The following COBL variants were observed in gnomAD, a reference collection of about 807,000 sequenced individuals.
COBL encodes the protein cordon-bleu WH2 repeat protein.
In COBL, 51 loss-of-function variants were observed where a neutral mutation model predicts 98.8. That is an observed-to-expected ratio of 0.52 (90% CI 0.41 to 0.65). COBL has a LOEUF of 0.65. Ranked by LOEUF, COBL falls within the 30% of genes least tolerant of loss-of-function variation. The pLI, the probability that COBL is intolerant of heterozygous loss-of-function variation, is 0.00. For synonymous variants in COBL, 634 were observed against 651.7 expected, an observed-to-expected ratio of 0.97 and a Z score of 0.41; for missense variants, 1,617 against 1,617.5, an observed-to-expected ratio of 1.00 and a Z score of 0.01.
intron 6 of COBL, among the ~76,000 whole-genome samples, chr7:51,091,532 A>T (rs564938748): frequency 5.1e-4 from 78 of 152,282 alleles, no homozygotes; most frequent in Middle Eastern, 3.4e-3. Context: ...ACTTTATGGG[A>T]CAATGCCAAG....
At chr7:51,187,331 T>TACACACACACAC (rs1303777271) in intron 4 of COBL, among the ~76,000 whole-genome samples, 4 of 101,424 alleles carry the variant, frequency 3.9e-5, no homozygotes, top group African/African-American at 1.4e-4. Flanking sequence ...TATATATATA[T>TACACACACACAC]ACACACACAC....
intron 1 of COBL, among the ~76,000 whole-genome samples, chr7:51,260,632 C>T (rs1797630234): frequency 6.6e-6 from 1 of 152,142 alleles, no homozygotes; most frequent in Non-Finnish European, 1.5e-5. Flanking sequence ...ACTGGTTGAG[C>T]TATGTGTTGC....
At chr7:51,289,184 A>G (rs886544319) in intron 1 of COBL, among the ~76,000 whole-genome samples, 4 of 152,168 alleles carry the variant, frequency 2.6e-5, no homozygotes, top group Non-Finnish European at 5.9e-5. Flanking sequence ...TCTTTCCCAA[A>G]TAGTCTTTTC....
At chr7:51,289,732 C>T (rs958066046) in intron 1 of COBL, among the ~76,000 whole-genome samples, 1 of 152,254 alleles carries the variant, frequency 6.6e-6, no homozygotes, top group South Asian at 2.1e-4. Flanking sequence ...CAAACAACTA[C>T]AAGTAATTAC....
chr7:51,158,297 A>G (rs1786397542), intron 5 of COBL, among the ~76,000 whole-genome samples: 1 of 152,154 alleles, frequency 6.6e-6, no homozygotes, highest in Non-Finnish European at 1.5e-5. Context: ...TTCAAAAAGG[A>G]GAAGAGACCC....
In COBL at chr7:51,081,889, G is replaced by A. The variant is rs578223682; in HGVS notation, c.1096+3277C>T. ...ATGAAATGGCTCTGGAGCCATCCACGCCACGGCTGCAGTCTTTCTGATTGA... is the reference window on the plus strand; with the variant it reads ...ATGAAATGGCTCTGGAGCCATCCACACCACGGCTGCAGTCTTTCTGATTGA... On this transcript the variant is annotated intron_variant, in intron 7 of 12. Coordinates refer to ENST00000265136, the MANE Select transcript of COBL (RefSeq NM_015198.5). Among the ~76,000 whole-genome samples the A allele has an allele frequency of 1.2e-4, 19 of 152,010 alleles. No individual in the cohort carries two copies. The South Asian group carries it at 2.3e-3, about 18-fold the overall frequency.
intron 1 of COBL, among the ~76,000 whole-genome samples, chr7:51,248,471 C>T (rs1407457435): frequency 6.6e-6 from 1 of 152,126 alleles, no homozygotes; most frequent in Non-Finnish European, 1.5e-5. Context: ...GTCAGACGAT[C>T]CATTGGTTCT....
intron 1 of COBL, among the ~76,000 whole-genome samples, chr7:51,236,889 C>T (rs1795307790): frequency 6.6e-6 from 1 of 152,202 alleles, no homozygotes; most frequent in Non-Finnish European, 1.5e-5. Flanking sequence ...TGCCCTCCCT[C>T]TGTAGCAGGA....
chr7:51,307,404 T>C (rs1303064152), intron 1 of COBL, among the ~76,000 whole-genome samples: 5 of 148,468 alleles, frequency 3.4e-5, no homozygotes, highest in Non-Finnish European at 4.5e-5. Flanking sequence ...AGTACTGTCC[T>C]ACCAACATCA....
In COBL at chr7:51,136,181, C is replaced by T. The variant is rs2129006513; in HGVS notation, c.934G>A (p.Val312Met). Residue 312 changes from valine (V) to methionine (M), a missense_variant, in exon 6 of 13, where the codon GTG becomes ATG. By Grantham distance (21) the Val-to-Met change is conservative. Around this residue, in one of 3 missense-constraint regions of COBL, gnomAD observed 1,304 missense variants for 1,282.0 expected, o/e 1.02. Coordinates refer to ENST00000265136, the MANE Select transcript of COBL (RefSeq NM_015198.5). The part of the protein sequence containing the change: ...APPPPGSGPP[V>M]QDKASEKVSL... ...ACCTTTTCCGATGCCTTGTCTTGCA[C>T]AGGTGGCCCTGAACCTGGAGGAGGA... 1 of 1,612,510 alleles carries T rather than the reference C, an allele frequency of 6.2e-7. No individual in the cohort carries two copies. Among genetic ancestry groups the T allele is most frequent in the Middle Eastern group, 2.1e-4 (1 of 4,838 alleles).
At chr7:51,237,454 T>A (rs1389117715) in intron 1 of COBL, among the ~76,000 whole-genome samples, 2 of 150,698 alleles carry the variant, frequency 1.3e-5, no homozygotes, top group South Asian at 2.1e-4. Flanking sequence ...ATAAGTTCAC[T>A]AAGATGTAAC....
chr7:51,240,455 T>A (rs1162923346), intron 1 of COBL, among the ~76,000 whole-genome samples: 2 of 152,266 alleles, frequency 1.3e-5, no homozygotes, highest in African/African-American at 4.8e-5. Flanking sequence ...AGCGTGGCCA[T>A]GGACTTGAGT....
chr7:51,168,260 C>T (rs138841886), intron 5 of COBL, among the ~76,000 whole-genome samples: 3 of 152,096 alleles, frequency 2.0e-5, no homozygotes, highest in Admixed American at 6.5e-5. Flanking sequence ...AAAGGCCGGG[C>T]GCTGTAGCTT....
Position 51,053,549 on chromosome 7 carries a change from G to T in COBL, c.1097-9857C>A, listed in dbSNP as rs182294459. Among the ~76,000 whole-genome samples, 6 of 152,356 alleles carry T rather than the reference G, an allele frequency of 3.9e-5. No homozygotes were observed. The East Asian group carries it at 1.2e-3, about 29-fold the overall frequency. On this transcript the variant is annotated intron_variant, in intron 7 of 12. Coordinates refer to ENST00000265136, the MANE Select transcript of COBL (RefSeq NM_015198.5). ...AAGAGCATTCTTTGACAAAAGCTAA[G>T]AATCCAGATATCTGAGCCTCGTCTC...
Position 51,249,263 on chromosome 7 carries a change from A to G in COBL, c.42-29319T>C, listed in dbSNP as rs79835218. ...TGAGGACGTGCAACCCCAAAACAGA[A>G]TCCTTGAAAGGGAAGGCAATGAGGT... On this transcript the variant is annotated intron_variant, in intron 1 of 12. Coordinates refer to ENST00000265136, the MANE Select transcript of COBL (RefSeq NM_015198.5). 4.5e-4 allele frequency among the ~76,000 whole-genome samples: 69 copies of G among 152,276 alleles called. No individual in the cohort carries two copies. The East Asian group carries it at 0.012, about 26-fold the overall frequency.
intron 1 of COBL, among the ~76,000 whole-genome samples, chr7:51,221,603 T>C (rs10275452): frequency 0.041 from 6,317 of 152,246 alleles, 417 homozygotes; most frequent in African/African-American, 0.14. Context: ...TTAGGAAAAT[T>C]CTATTTTTAA....
intron 8 of COBL, among the ~76,000 whole-genome samples, chr7:51,037,552 T>G (rs1398487670): frequency 2.0e-5 from 3 of 152,248 alleles, no homozygotes; most frequent in Non-Finnish European, 4.4e-5. Flanking sequence ...GGCAGAGCTG[T>G]GTGTGAGGCA....
chr7:51,122,079 T>C (rs897743145), intron 6 of COBL, among the ~76,000 whole-genome samples: 2 of 152,228 alleles, frequency 1.3e-5, no homozygotes, highest in South Asian at 2.1e-4. Context: ...ACCTTTCATT[T>C]TGATTTTATC....
chr7:51,132,414 G>C (rs1201450872), intron 6 of COBL, among the ~76,000 whole-genome samples: 2 of 152,210 alleles, frequency 1.3e-5, no homozygotes, highest in Non-Finnish European at 2.9e-5. Flanking sequence ...GCAATCACTG[G>C]CTAGTGCTGT....
Sources: gnomAD v4.1 joint callset for allele counts (sites outside exome capture counted in the v4.1 genomes callset) on GRCh38, gnomAD v4.1.1 for gene constraint, gnomAD v4.1.1 regional missense constraint, MANE v1.5 for transcripts, NCBI Gene and HGNC (gene_info 2026-07-23, HGNC 2026-07-21) for gene names.